The following SDC2 variants were observed in gnomAD, a reference collection of about 807,000 sequenced individuals.
SDC2 encodes the protein syndecan 2, also known as syndecan-2.
Under a neutral mutation model 22.2 loss-of-function variants are expected in SDC2, and 13 were observed. The observed-to-expected ratio is 0.59, with a 90% CI of 0.38 to 0.93. The LOEUF is 0.93. SDC2 is among the 40% of genes least tolerant of loss of function. The probability of loss-of-function intolerance (pLI) is 0.00; values close to 1 mark genes in which losing one functional copy is unlikely to be tolerated. For missense variants in SDC2, 235 were observed against 246.8 expected (o/e 0.95, Z 0.32); for synonymous variants, 94 against 92.8 (o/e 1.01, Z -0.07).
chr8:96,530,823 T>C (rs1413408177), intron 1 of SDC2, among the ~76,000 whole-genome samples: 2 of 152,252 alleles, frequency 1.3e-5, no homozygotes, highest in Non-Finnish European at 2.9e-5. Flanking sequence ...CACATAACAG[T>C]TGGCCATGGG....
intron 1 of SDC2, among the ~76,000 whole-genome samples, chr8:96,531,076 G>A (rs772986732): frequency 3.3e-5 from 5 of 152,296 alleles, no homozygotes; most frequent in African/African-American, 9.6e-5. Flanking sequence ...GAACCTTGGC[G>A]CAGCTGTCCT....
At chr8:96,504,252 C>G (rs749337174) in intron 1 of SDC2, among the ~76,000 whole-genome samples, 2 of 152,196 alleles carry the variant, frequency 1.3e-5, no homozygotes, top group Non-Finnish European at 2.9e-5. Context: ...CCTCTGTTTA[C>G]AAAGTTGTTA....
At chr8:96,570,373 T>C (rs570687456) in intron 1 of SDC2, among the ~76,000 whole-genome samples, 1 of 152,304 alleles carries the variant, frequency 6.6e-6, no homozygotes, top group South Asian at 2.1e-4. Context: ...AAGACATTTG[T>C]CTAGAAATAT....
chr8:96,593,908 G>T (rs577445068), intron 2 of SDC2, among the ~76,000 whole-genome samples: 1 of 152,138 alleles, frequency 6.6e-6, no homozygotes, highest in Non-Finnish European at 1.5e-5. Context: ...GGCACATAGT[G>T]CTCTGTCAAC....
intron 1 of SDC2, among the ~76,000 whole-genome samples, chr8:96,517,770 CATGTGTGTGTGT>C (rs1480012234): frequency 1.4e-5 from 1 of 73,260 alleles, no homozygotes; most frequent in African/African-American, 6.6e-5. Flanking sequence ...TGTGTGTGTG[CATGTGTGTGTGT>C]GTGTGTGTGT....
intron 1 of SDC2, among the ~76,000 whole-genome samples, chr8:96,535,934 C>T (rs2589204): frequency 0.58 from 87,819 of 151,886 alleles, 26,831 homozygotes; most frequent in Non-Finnish European, 0.7. Flanking sequence ...TTTTATGAAA[C>T]GTAAAAATGG....
chr8:96,601,295 G>C (rs1477097998), intron 2 of SDC2, among the ~76,000 whole-genome samples: 1 of 152,094 alleles, frequency 6.6e-6, no homozygotes, highest in Admixed American at 6.6e-5. Context: ...TGGAGAAGAT[G>C]ATGAGGACAA....
rs151319535 is a variant in SDC2 at position 96,519,799 on chromosome 8, C to T, written c.60+25468C>T. On this transcript the variant is annotated intron_variant, in intron 1 of 4. Coordinates refer to ENST00000302190, the MANE Select transcript of SDC2 (RefSeq NM_002998.4). ...CAGGCGCGCACCTCCACGCATGGCTCGGTTTTTATATTTCAGTAGAGACAG... is the reference window on the plus strand; with the variant it reads ...CAGGCGCGCACCTCCACGCATGGCTTGGTTTTTATATTTCAGTAGAGACAG... Among the ~76,000 whole-genome samples the T allele has an allele frequency of 2.7e-4, 41 of 151,942 alleles. 2 individuals carry two copies. The East Asian group carries it at 7.6e-3, about 28-fold the overall frequency.
chr8:96,591,756 T>C (rs1814785124), intron 1 of SDC2, among the ~76,000 whole-genome samples: 1 of 151,704 alleles, frequency 6.6e-6, no homozygotes, highest in Non-Finnish European at 1.5e-5. Flanking sequence ...TGGGACAAAG[T>C]TTAAGACAAG....
At chr8:96,569,165 G>A (rs535287888) in intron 1 of SDC2, among the ~76,000 whole-genome samples, 4 of 152,020 alleles carry the variant, frequency 2.6e-5, no homozygotes, top group Admixed American at 6.6e-5. Flanking sequence ...ACACCAACAC[G>A]TCCGGATAAT....
At chr8:96,557,607 A>G (rs1814138467) in intron 1 of SDC2, among the ~76,000 whole-genome samples, 1 of 146,928 alleles carries the variant, frequency 6.8e-6, no homozygotes, top group Non-Finnish European at 1.5e-5. Flanking sequence ...GGGGAATATC[A>G]CACTCTGGGG....
At chr8:96,608,855 G>A (rs1253927681) in intron 4 of SDC2, among the ~76,000 whole-genome samples, 1 of 152,148 alleles carries the variant, frequency 6.6e-6, no homozygotes, top group Non-Finnish European at 1.5e-5. Context: ...GTTCATATAA[G>A]TACTGCCCAA....
intron 1 of SDC2, among the ~76,000 whole-genome samples, chr8:96,542,781 A>G (rs191673746): frequency 3.3e-4 from 50 of 152,286 alleles, no homozygotes; most frequent in African/African-American, 1.2e-3. Context: ...CTCTTAGTGA[A>G]TAGAGTTTGC....
At chr8:96,513,383 C>T (rs1813356694) in intron 1 of SDC2, among the ~76,000 whole-genome samples, 1 of 152,156 alleles carries the variant, frequency 6.6e-6, no homozygotes, top group Admixed American at 6.5e-5. Flanking sequence ...TGTTGTTTCT[C>T]TCCTTTGAGC....
chr8:96,539,041 T>G (rs1489925633), intron 1 of SDC2, among the ~76,000 whole-genome samples: 5 of 152,226 alleles, frequency 3.3e-5, no homozygotes, highest in African/African-American at 1.2e-4. Context: ...GGGAAATGAT[T>G]TGTGTGTCTG....
At chr8:96,576,379 G>GTTTTTTTTTTTTTTTTTT (rs1365620450) in intron 1 of SDC2, among the ~76,000 whole-genome samples, 1 of 47,564 alleles carries the variant, frequency 2.1e-5, no homozygotes, top group East Asian at 4.5e-4. Flanking sequence ...TTTTTGTTTT[G>GTTTTTTTTTTTTTTTTTT]TTTTGTTTTT....
intron 1 of SDC2, among the ~76,000 whole-genome samples, chr8:96,510,871 C>T (rs906529873): frequency 7.2e-5 from 11 of 152,048 alleles, no homozygotes; most frequent in African/African-American, 2.7e-4. Context: ...TCGTTCTCCC[C>T]GTTAGGAGTG....
In SDC2 at chr8:96,610,891, C is replaced by T. The variant is rs188215822; in HGVS notation, c.*1343C>T. The stretch of plus-strand genomic sequence containing the variant: ...ATATTGGAAGGCTGCCAGGGGATTT[C>T]GAAGTTTGCAACCTTTATAGGATAA... On this transcript the variant is annotated 3_prime_UTR_variant, in exon 5 of 5. Transcript: ENST00000302190. 1.0e-4 allele frequency: 16 copies of T among 152,668 alleles called. No individual in the cohort carries two copies. Among genetic ancestry groups the T allele is most frequent in the Admixed American group, 6.5e-4 (10 of 15,284 alleles). The allele number at this position is 152,668 out of a possible 1,614,324, so 9.5% of individuals were successfully genotyped here.
chr8:96,506,548 C>T (rs1436526301), intron 1 of SDC2, among the ~76,000 whole-genome samples: 1 of 152,124 alleles, frequency 6.6e-6, no homozygotes, highest in African/African-American at 2.4e-5. Context: ...GTGATTATGG[C>T]TCACTGCAAC....
Sources: gnomAD v4.1 joint callset for allele counts (sites outside exome capture counted in the v4.1 genomes callset) on GRCh38, gnomAD v4.1.1 for gene constraint, MANE v1.5 for transcripts, NCBI Gene and HGNC (gene_info 2026-07-23, HGNC 2026-07-21) for gene names.